The following SLC12A3 variants were observed in gnomAD, a reference collection of about 807,000 sequenced individuals.
SLC12A3 encodes solute carrier family 12 member 3.
In SLC12A3, 104 loss-of-function variants were observed where a neutral mutation model predicts 121.0. The ratio of observed to expected loss-of-function variants is 0.86; its 90% CI spans 0.73 to 1.01. The LOEUF is 1.01. SLC12A3 is among the 50% of genes least tolerant of loss of function. The pLI, the probability that SLC12A3 is intolerant of heterozygous loss-of-function variation, is 0.00. For synonymous variants in SLC12A3, 536 were observed against 533.4 expected (o/e 1.00, Z -0.07); for missense variants, 1,328 against 1,356.3 (o/e 0.98, Z 0.33).
At chr16:56,905,338 C>CAAAA (rs59206129) in intron 25 of SLC12A3, among the ~76,000 whole-genome samples, 1,625 of 50,398 alleles carry the variant, frequency 0.032, 111 homozygotes, top group African/African-American at 0.1. Flanking sequence ...AACTCCGTCT[C>CAAAA]AAAAAAAAAA....
At chr16:56,899,723 C>T in intron 23 of SLC12A3, 107 bp downstream of exon 23, 1 of 817,984 alleles carries the variant, frequency 1.2e-6, no homozygotes, top group South Asian at 1.4e-5. Flanking sequence ...AAGGGTCTCT[C>T]CTCCAAGCCC....
chr16:56,905,332 C>G (rs2055593031), intron 25 of SLC12A3, among the ~76,000 whole-genome samples: 1 of 133,456 alleles, frequency 7.5e-6, no homozygotes, highest in African/African-American at 3.2e-5. Context: ...GAGCGAAACT[C>G]CGTCTCAAAA....
chr16:56,903,799 G>A (rs1360418406), intron 24 of SLC12A3, among the ~76,000 whole-genome samples: 1 of 152,186 alleles, frequency 6.6e-6, no homozygotes, highest in Non-Finnish European at 1.5e-5. Flanking sequence ...TCAGCCCCGA[G>A]ACCCTGCCCC....
At chr16:56,886,312 C>T (rs1255047574) in intron 15 of SLC12A3, 52 bp from the exon 16 acceptor site, 4 of 1,372,236 alleles carry the variant, frequency 2.9e-6, no homozygotes, top group South Asian at 2.3e-5. Flanking sequence ...CGCACCCAGA[C>T]CCCCGTGGGC....
chr16:56,895,989 A>G (rs9929395), intron 22 of SLC12A3, among the ~76,000 whole-genome samples: 34,470 of 151,830 alleles, frequency 0.23, 4,242 homozygotes, highest in African/African-American at 0.33. Flanking sequence ...GTCAGATGGT[A>G]ATGAAAGCGA....
intron 1 of SLC12A3, among the ~76,000 whole-genome samples, 176 bp downstream of exon 1, chr16:56,865,693 G>A (rs1418660734): frequency 1.3e-5 from 2 of 152,242 alleles, no homozygotes; most frequent in Non-Finnish European, 2.9e-5. Flanking sequence ...GCACATGTTG[G>A]AATGTATATT....
At chr16:56,911,611 A>G (rs2055686765) in intron 25 of SLC12A3, among the ~76,000 whole-genome samples, 3 of 152,138 alleles carry the variant, frequency 2.0e-5, no homozygotes. Flanking sequence ...AGGTGTGACC[A>G]TGCCTGGCCC....
chr16:56,885,350 C>A lies in SLC12A3; in HGVS notation c.1911C>A (p.His637Gln). The A allele has an allele frequency of 6.4e-7, 1 of 1,552,348 alleles. No individual in the cohort carries two copies. Among genetic ancestry groups the A allele is most frequent in the Non-Finnish European group, 8.7e-7 (1 of 1,146,406 alleles). ...TGGGCCTCAATGAGGTGGAAGACCA[C>A]ATCAAGAACTACCGGTGAGCAGAGC... ...YSVGLNEVED[H>Q]IKNYRPQCLV... The change falls in exon 15 of 26, where the codon CAC becomes CAA. Residue 637 changes from histidine (H) to glutamine (Q), a missense_variant. Transcript: ENST00000563236.
chr16:56,887,379 G>A (rs546743405), intron 17 of SLC12A3, among the ~76,000 whole-genome samples: 7 of 152,044 alleles, frequency 4.6e-5, no homozygotes, highest in Admixed American at 4.6e-4. Flanking sequence ...TAGTTTTTTT[G>A]TGTTTTTAGT....
intron 25 of SLC12A3, chr16:56,906,505 C>T (rs1011082442): frequency 1.0e-5 from 2 of 191,626 alleles, no homozygotes; most frequent in African/African-American, 4.8e-5. Context: ...GGTTTTTCCT[C>T]CCTGGATGTC....
intron 25 of SLC12A3, among the ~76,000 whole-genome samples, chr16:56,908,635 A>T (rs1333721201): frequency 6.6e-6 from 1 of 152,214 alleles, no homozygotes; most frequent in African/African-American, 2.4e-5. Context: ...TTGCACACCC[A>T]GGAAGCTGGC....
chr16:56,896,622 A>G (rs2055465704), intron 22 of SLC12A3, among the ~76,000 whole-genome samples: 1 of 152,150 alleles, frequency 6.6e-6, no homozygotes, highest in Non-Finnish European at 1.5e-5. Flanking sequence ...GAATGGTGGC[A>G]TGTGCCTGTA....
chr16:56,888,011 A>G lies in SLC12A3; in HGVS notation c.2265A>G (p.Glu755=), dbSNP rs1023423710. 3 of 1,610,780 alleles carry G rather than the reference A, an allele frequency of 1.9e-6. No homozygotes were observed. Among genetic ancestry groups the G allele is most frequent in the Non-Finnish European group, 2.5e-6 (3 of 1,177,760 alleles). The change falls in exon 18 of 26, where the codon GAA becomes GAG. Residue 755 remains glutamate (E), a synonymous_variant. Transcript: ENST00000563236. The part of the protein sequence containing the change: ...NWQSAHPATV[E]DYIGILHDAF... ...AGTCGGCTCACCCGGCCACAGTGGAAGACTACATTGGCATCCTCCAGTGAG... is the reference window on the plus strand; with the variant it reads ...AGTCGGCTCACCCGGCCACAGTGGAGGACTACATTGGCATCCTCCAGTGAG...
At position 56,900,519 on chromosome 16, in the gene SLC12A3, T is replaced by TTTATTTATTTA. The variant is rs2055523493; in HGVS notation, c.2720+905_2720+906insATTTATTTATT. 5.4e-3 allele frequency among the ~76,000 whole-genome samples: 801 copies of TTTATTTATTTA among 148,546 alleles called. 8 individuals are homozygous for TTTATTTATTTA. Among genetic ancestry groups the TTTATTTATTTA allele is most frequent in the Non-Finnish European group, 6.4e-3 (428 of 67,386 alleles). ...ATACAGACCCCATCTAGCATCTGAT[T>TTTATTTATTTA]TTTATTTATTTATTTATTTATTTAT... On this transcript the variant is annotated intron_variant, in intron 23 of 25. Transcript: ENST00000563236.
chr16:56,879,731 T>A (rs2055213421), intron 11 of SLC12A3, 82 bp downstream of exon 11: 1 of 990,126 alleles, frequency 1.0e-6, no homozygotes, highest in Admixed American at 1.8e-5. Flanking sequence ...CCTGGGTGAC[T>A]GCTACAAACA....
At position 56,875,547 on chromosome 16, in the gene SLC12A3, C is replaced by T. The variant is rs184964324; in HGVS notation, c.1096-2530C>T. Among the ~76,000 whole-genome samples, 200 of 152,200 alleles carry T rather than the reference C, an allele frequency of 1.3e-3. 4 individuals carry two copies. The highest frequency in any genetic ancestry group is 0.012 in the Admixed American group (182 of 15,296). ...AATGCCAGTTTCTAAAACAGAGAGGCCTCAACTACATCACAATTTCATCAT... is the reference window on the plus strand; with the variant it reads ...AATGCCAGTTTCTAAAACAGAGAGGTCTCAACTACATCACAATTTCATCAT... On this transcript the variant is annotated intron_variant, in intron 8 of 25. Coordinates refer to ENST00000563236, the MANE Select transcript of SLC12A3 (RefSeq NM_001126108.2).
At chr16:56,891,057 A>G (rs756652924) in intron 19 of SLC12A3, among the ~76,000 whole-genome samples, 2 of 151,914 alleles carry the variant, frequency 1.3e-5, no homozygotes, top group East Asian at 1.9e-4. Flanking sequence ...AAAGTCATAT[A>G]TGACTGCAGA....
chr16:56,899,745 G>A (rs1385494831), intron 23 of SLC12A3, 129 bp downstream of exon 23: 1 of 742,754 alleles, frequency 1.3e-6, no homozygotes, highest in Non-Finnish European at 2.4e-6. Context: ...TCCTAGATGT[G>A]TCAGAGGGCA....
In SLC12A3 at chr16:56,865,272, G is replaced by C. The variant is rs147200024; in HGVS notation, c.37G>C (p.Ala13Pro). The C allele has an allele frequency of 9.4e-4, 1,510 of 1,613,802 alleles. 2 individuals are homozygous for C. The highest frequency in any genetic ancestry group is 1.8e-3 in the Middle Eastern group (11 of 6,056). The change falls in exon 1 of 26, where the codon GCC becomes CCC. Residue 13 changes from alanine to proline, a missense_variant. Ala to Pro is a conservative substitution (Grantham distance 27). Transcript: ENST00000563236. Reference protein sequence around the residue: ...ELPTTETPGDATLCSGRFTIS... With the variant: ...ELPTTETPGDPTLCSGRFTIS... The stretch of plus-strand genomic sequence containing the variant: ...GCCCACAACAGAGACGCCTGGGGAC[G>C]CCACTTTGTGCAGCGGGCGCTTCAC...
Sources: gnomAD v4.1 joint callset for allele counts (sites outside exome capture counted in the v4.1 genomes callset) on GRCh38, gnomAD v4.1.1 for gene constraint, MANE v1.5 for transcripts, NCBI Gene and HGNC (gene_info 2026-07-23, HGNC 2026-07-21) for gene names.